MDGA2: variants seen among roughly 807,000 people sequenced by gnomAD.
The protein encoded by MDGA2 is MAM domain-containing glycosylphosphatidylinositol anchor protein 2.
In MDGA2, 40 loss-of-function variants were observed where a neutral mutation model predicts 117.8. The observed-to-expected ratio is 0.34, with a 90% CI of 0.26 to 0.44. The LOEUF (loss-of-function observed/expected upper bound fraction) is 0.44. MDGA2 is among the 20% of genes least tolerant of loss of function. The probability of loss-of-function intolerance (pLI) is 1.00; values close to 1 mark genes in which losing one functional copy is unlikely to be tolerated. For synonymous variants in MDGA2, 452 were observed against 439.0 expected, an observed-to-expected ratio of 1.03 and a Z score of -0.37; for missense variants, 1,123 against 1,250.6, an observed-to-expected ratio of 0.90 and a Z score of 1.54.
chr14:47,319,174 C>A (rs1033962599), intron 1 of MDGA2, among the ~76,000 whole-genome samples: 1 of 152,044 alleles, frequency 6.6e-6, no homozygotes, highest in Non-Finnish European at 1.5e-5. Flanking sequence ...GTTGGTGGAT[C>A]GTCAATCACC....
At chr14:46,988,521 GA>G (rs1035238703) in intron 8 of MDGA2, among the ~76,000 whole-genome samples, 5 of 152,066 alleles carry the variant, frequency 3.3e-5, no homozygotes, top group African/African-American at 1.2e-4. Context: ...GTTTTCAGAA[GA>G]TTTAGTGTAG....
intron 2 of MDGA2, among the ~76,000 whole-genome samples, chr14:47,227,324 C>A (rs1886540866): frequency 6.6e-6 from 1 of 152,150 alleles, no homozygotes; most frequent in African/African-American, 2.4e-5. Context: ...GAAAGCCCTG[C>A]TCCCGTGCCT....
At chr14:46,913,439 T>C (rs554641899) in intron 10 of MDGA2, among the ~76,000 whole-genome samples, 1 of 152,194 alleles carries the variant, frequency 6.6e-6, no homozygotes, top group Non-Finnish European at 1.5e-5. Context: ...CTAAATGGGC[T>C]AAGTCAAGCA....
intron 1 of MDGA2, among the ~76,000 whole-genome samples, chr14:47,358,462 G>C (rs1891043501): frequency 6.6e-6 from 1 of 152,162 alleles, no homozygotes; most frequent in South Asian, 2.1e-4. Flanking sequence ...GAAAGTACTA[G>C]CAAGAGCGAT....
At chr14:47,450,685 G>GTA (rs1461428426) in intron 1 of MDGA2, among the ~76,000 whole-genome samples, 14 of 152,018 alleles carry the variant, frequency 9.2e-5, no homozygotes, top group Non-Finnish European at 1.9e-4. Context: ...GTTACATATA[G>GTA]CCTTTATAAT....
chr14:47,270,062 G>C (rs1248925271), intron 2 of MDGA2, among the ~76,000 whole-genome samples: 3 of 152,138 alleles, frequency 2.0e-5, no homozygotes, highest in African/African-American at 7.2e-5. Context: ...AACAAGCTCT[G>C]AGGCTGCACG....
At chr14:46,975,623 A>G (rs1160070986) in intron 8 of MDGA2, among the ~76,000 whole-genome samples, 2 of 152,174 alleles carry the variant, frequency 1.3e-5, no homozygotes, top group East Asian at 3.8e-4. Context: ...TTTCACTCAC[A>G]TAGAGTACTT....
chr14:46,959,531 T>C (rs1020223031), intron 8 of MDGA2, among the ~76,000 whole-genome samples: 13 of 141,572 alleles, frequency 9.2e-5, no homozygotes, highest in Non-Finnish European at 2.1e-4. Flanking sequence ...TCTGTCAATC[T>C]TTTTTTAACC....
At chr14:47,224,664 G>T (rs1484984637) in intron 2 of MDGA2, among the ~76,000 whole-genome samples, 2 of 151,996 alleles carry the variant, frequency 1.3e-5, no homozygotes, top group Admixed American at 6.6e-5. Flanking sequence ...GAATCCTTGA[G>T]AAAAAAATTA....
intron 1 of MDGA2, among the ~76,000 whole-genome samples, chr14:47,515,812 G>T (rs566075849): frequency 1.3e-5 from 2 of 152,122 alleles, no homozygotes; most frequent in Non-Finnish European, 2.9e-5. Flanking sequence ...GTCACTTACT[G>T]GCTGTGTGGC....
intron 8 of MDGA2, 71 bp downstream of exon 8, chr14:47,034,940 T>C (rs899250851): frequency 1.2e-5 from 17 of 1,381,066 alleles, no homozygotes; most frequent in Admixed American, 4.3e-5. Flanking sequence ...CACCTCATAT[T>C]AATAGTAGAA....
chr14:47,036,561 C>G (rs1228142323), intron 7 of MDGA2, among the ~76,000 whole-genome samples: 2 of 152,110 alleles, frequency 1.3e-5, no homozygotes, highest in African/African-American at 2.4e-5. Context: ...CAAAAAAGCA[C>G]AAGCTAAATA....
chr14:47,254,071 G>A (rs1272159338), intron 2 of MDGA2, among the ~76,000 whole-genome samples: 2 of 152,182 alleles, frequency 1.3e-5, no homozygotes, highest in Non-Finnish European at 2.9e-5. Context: ...GCTGCATAGA[G>A]CAGGGGGGCC....
At chr14:47,156,105 A>C (rs1883377188) in intron 3 of MDGA2, among the ~76,000 whole-genome samples, 1 of 150,616 alleles carries the variant, frequency 6.6e-6, no homozygotes, top group South Asian at 2.1e-4. Context: ...GCGGGGTTTC[A>C]CCATGCTGGG....
chr14:47,623,328 A>C (rs1897083218), intron 1 of MDGA2, among the ~76,000 whole-genome samples: 1 of 152,208 alleles, frequency 6.6e-6, no homozygotes, highest in Non-Finnish European at 1.5e-5. Context: ...CCAGTCTGTG[A>C]TATTCCATTG....
chr14:47,667,221 A>G (rs1897991268), intron 1 of MDGA2, among the ~76,000 whole-genome samples: 1 of 152,186 alleles, frequency 6.6e-6, no homozygotes, highest in African/African-American at 2.4e-5. Context: ...TGGGGAATTC[A>G]AACTGGTCAC....
intron 9 of MDGA2, among the ~76,000 whole-genome samples, chr14:46,923,181 T>A (rs1884198215): frequency 6.6e-6 from 1 of 152,184 alleles, no homozygotes; most frequent in African/African-American, 2.4e-5. Context: ...ATTAAAATAT[T>A]GCAAATATAT....
intron 1 of MDGA2, among the ~76,000 whole-genome samples, chr14:47,653,629 A>G (rs1248491970): frequency 6.6e-6 from 1 of 152,174 alleles, no homozygotes; most frequent in Non-Finnish European, 1.5e-5. Context: ...CTGCATGACA[A>G]CGTGGAATTA....
intron 4 of MDGA2, among the ~76,000 whole-genome samples, chr14:47,132,492 T>A (rs1882252618): frequency 6.6e-6 from 1 of 151,864 alleles, no homozygotes; most frequent in Non-Finnish European, 1.5e-5. Context: ...TCCAGGTAAA[T>A]CTGCACAACT....
Sources: allele counts gnomAD v4.1 joint callset (sites outside exome capture counted in the v4.1 genomes callset), GRCh38; gene constraint gnomAD v4.1.1; transcripts MANE v1.5; gene names NCBI Gene and HGNC (gene_info 2026-07-23, HGNC 2026-07-21).